Variants in ZFHX3 observed in about 807,000 individuals in gnomAD.
ZFHX3 encodes zinc finger homeobox 3, also known as zinc finger homeobox protein 3.
A neutral mutation model predicts 279.1 loss-of-function variants in ZFHX3; 42 were observed. The observed-to-expected ratio is 0.15, with a 90% CI of 0.12 to 0.19. The LOEUF (loss-of-function observed/expected upper bound fraction) is 0.19. ZFHX3 is among the 10% of genes least tolerant of loss of function. The pLI is 1.00. For synonymous variants in ZFHX3, 2,293 were observed against 1,957.8 expected (o/e 1.17, Z -4.52); for missense variants, 4,981 against 4,754.0 (o/e 1.05, Z -1.40).
intron 3 of ZFHX3, 98 bp downstream of exon 3, chr16:72,950,371 A>G: frequency 6.5e-7 from 1 of 1,532,360 alleles, no homozygotes; most frequent in Non-Finnish European, 8.8e-7. Flanking sequence ...AGGCCATGCC[A>G]GAGACTGTCC....
At chr16:73,280,892 G>A (rs2014439131) in intron 4 of ZFHX3, among the ~76,000 whole-genome samples, 1 of 151,990 alleles carries the variant, frequency 6.6e-6, no homozygotes, top group Admixed American at 6.6e-5. Context: ...GGCTGAGGCA[G>A]GAGAATCTTT....
In ZFHX3 at chr16:72,848,611, C is replaced by A. The variant is rs1294117491; in HGVS notation, c.3449-18752G>T. On this transcript the variant is annotated intron_variant, in intron 4 of 9. Coordinates refer to ENST00000268489, the MANE Select transcript of ZFHX3 (RefSeq NM_006885.4). Reference sequence around the variant, plus strand: ...CAGACCCCTTCGGCGGCCTCCCAGGCTGGGTCTGCGGCCATCACCCTGTGC... The same window carrying A: ...CAGACCCCTTCGGCGGCCTCCCAGGATGGGTCTGCGGCCATCACCCTGTGC... Among the ~76,000 whole-genome samples, 3 of 151,952 alleles carry A rather than the reference C, an allele frequency of 2.0e-5. No homozygotes were observed. The South Asian group carries it at 6.2e-4, about 32-fold the overall frequency.
intron 1 of ZFHX3, among the ~76,000 whole-genome samples, chr16:73,888,032 A>G (rs1176291240): frequency 6.6e-6 from 1 of 152,154 alleles, no homozygotes; most frequent in Non-Finnish European, 1.5e-5. Flanking sequence ...AGCTCCCAGG[A>G]AGTGGATGCA....
chr16:73,680,371 T>C (rs968289539), intron 1 of ZFHX3: 1 of 152,196 alleles, frequency 6.6e-6, no homozygotes, highest in Non-Finnish European at 1.5e-5. Flanking sequence ...GGAAAGTTGC[T>C]AAAAAATGTT....
At chr16:72,945,905 A>AC (rs772159814) in intron 3 of ZFHX3, among the ~76,000 whole-genome samples, 1 of 151,674 alleles carries the variant, frequency 6.6e-6, no homozygotes, top group East Asian at 1.9e-4. Flanking sequence ...TCTTCCTAAG[A>AC]CCCCCACTTC....
At chr16:73,195,246 G>A (rs1395319870) in intron 5 of ZFHX3, among the ~76,000 whole-genome samples, 2 of 151,992 alleles carry the variant, frequency 1.3e-5, no homozygotes, top group African/African-American at 4.8e-5. Context: ...AGAAGGGGAG[G>A]ACCCTTTGTT....
At chr16:73,849,312 T>C (rs1392208215) in intron 1 of ZFHX3, among the ~76,000 whole-genome samples, 1 of 152,230 alleles carries the variant, frequency 6.6e-6, no homozygotes, top group African/African-American at 2.4e-5. Context: ...ATCTGAATAC[T>C]GGGATTTGAA....
intron 2 of ZFHX3, among the ~76,000 whole-genome samples, chr16:73,538,457 GA>G (rs1430838938): frequency 6.6e-6 from 1 of 151,558 alleles, no homozygotes; most frequent in Non-Finnish European, 1.5e-5. Flanking sequence ...TTGCATTTTA[GA>G]AAAAAAAGCT....
intron 3 of ZFHX3, among the ~76,000 whole-genome samples, chr16:73,453,655 T>C (rs192800834): frequency 1.3e-3 from 192 of 152,306 alleles, no homozygotes; most frequent in African/African-American, 4.5e-3. Flanking sequence ...AGTGTATTAG[T>C]CTGTTTTCAT....
intron 5 of ZFHX3, among the ~76,000 whole-genome samples, chr16:73,183,807 ATTTCG>A (rs1482804722): frequency 1.3e-5 from 2 of 151,778 alleles, no homozygotes; most frequent in Non-Finnish European, 2.9e-5. Context: ...ATTAATGACG[ATTTCG>A]GGAGCTGGGA....
chr16:72,919,130 C>T (rs1456757128), intron 3 of ZFHX3, among the ~76,000 whole-genome samples: 5 of 151,860 alleles, frequency 3.3e-5, no homozygotes, highest in African/African-American at 1.2e-4. Flanking sequence ...GGATCAGTCT[C>T]TCAGGCAGGA....
intron 6 of ZFHX3, among the ~76,000 whole-genome samples, chr16:73,142,444 A>G (rs1158980140): frequency 2.0e-5 from 3 of 152,220 alleles, no homozygotes; most frequent in Non-Finnish European, 1.5e-5. Context: ...ATGGCTAGTT[A>G]CCAGTGAGTA....
chr16:72,924,929 C>A (rs1959361254), intron 3 of ZFHX3, among the ~76,000 whole-genome samples: 1 of 152,178 alleles, frequency 6.6e-6, no homozygotes. Flanking sequence ...CAGAAACGCA[C>A]CTATAGACCC....
chr16:72,901,624 T>A (rs1394709766), intron 3 of ZFHX3, among the ~76,000 whole-genome samples: 1 of 152,210 alleles, frequency 6.6e-6, no homozygotes, highest in East Asian at 1.9e-4. Flanking sequence ...TGCAGACATT[T>A]CACTTTTTCT....
chr16:72,816,164 T>C (rs1490637168), intron 5 of ZFHX3, among the ~76,000 whole-genome samples: 2 of 152,264 alleles, frequency 1.3e-5, no homozygotes, highest in Non-Finnish European at 2.9e-5. Context: ...ATAGTCATTT[T>C]ATTTTTAATA....
intron 2 of ZFHX3, among the ~76,000 whole-genome samples, chr16:73,618,476 G>A (rs1391565544): frequency 6.6e-6 from 1 of 152,168 alleles, no homozygotes; most frequent in Admixed American, 6.5e-5. Flanking sequence ...CTGAAGCTTA[G>A]AAAATTTCAG....
intron 5 of ZFHX3, among the ~76,000 whole-genome samples, chr16:73,243,572 T>G (rs541122645): frequency 6.6e-6 from 1 of 152,368 alleles, no homozygotes; most frequent in African/African-American, 2.4e-5. Flanking sequence ...TATTTGCATT[T>G]TATATTGAAC....
At chr16:73,693,970 G>T (rs2142209808) in intron 1 of ZFHX3, among the ~76,000 whole-genome samples, 1 of 151,238 alleles carries the variant, frequency 6.6e-6, no homozygotes, top group Non-Finnish European at 1.5e-5. Flanking sequence ...TCTGGACAAA[G>T]TTGTCTCCAA....
intron 1 of ZFHX3, among the ~76,000 whole-genome samples, chr16:73,735,436 G>C (rs2053601385): frequency 6.7e-6 from 1 of 149,538 alleles, no homozygotes; most frequent in South Asian, 2.1e-4. Flanking sequence ...CCAGTCCTTG[G>C]TAACCGCCAT....
Sources: gnomAD v4.1 joint callset for allele counts (sites outside exome capture counted in the v4.1 genomes callset) on GRCh38, gnomAD v4.1.1 for gene constraint, MANE v1.5 for transcripts, NCBI Gene and HGNC (gene_info 2026-07-23, HGNC 2026-07-21) for gene names.